The following KIF9 variants were observed in gnomAD, a reference collection of about 807,000 sequenced individuals.
The protein encoded by KIF9 is kinesin family member 9.
KIF9 carries 68 observed loss-of-function variants against 94.8 expected under a neutral mutation model. The ratio of observed to expected loss-of-function variants is 0.72; its 90% confidence interval spans 0.59 to 0.88. The LOEUF is 0.88. Among genes scored for constraint, KIF9 ranks in the 40% least tolerant of loss-of-function variants. KIF9 has a pLI of 0.00. For synonymous variants in KIF9, 343 were observed against 362.1 expected, an observed-to-expected ratio of 0.95 and a Z score of 0.60; for missense variants, 882 against 982.5, an observed-to-expected ratio of 0.90 and a Z score of 1.37.
Position 47,277,220 on chromosome 3 carries a change from C to A in KIF9, c.93+62G>T. On this transcript the variant is annotated intron_variant, in intron 2 of 20. Coordinates refer to ENST00000684063, the MANE Select transcript of KIF9 (RefSeq NM_182902.4). ...TTCAAAGGTTGCTTGGAAATACGGT[C>A]ACACTATAGCAAGGTGGGACAGAGA... 3 of 1,238,482 alleles carry A rather than the reference C, an allele frequency of 2.4e-6. No homozygotes were observed. The South Asian group carries it at 3.8e-5, about 16-fold the overall frequency. The allele number at this position is 1,238,482 out of a possible 1,614,324, so 76.7% of individuals were successfully genotyped here. A position where few individuals can be genotyped will look rare whatever the true frequency, so the allele number is the denominator to read the frequency against.
intron 14 of KIF9, 77 bp from the exon 15 acceptor site, chr3:47,245,001 C>T (rs1025717290): frequency 6.4e-7 from 1 of 1,572,344 alleles, no homozygotes; most frequent in African/African-American, 1.4e-5. Flanking sequence ...ATGTATATGG[C>T]CCAAGGCTCA....
intron 10 of KIF9, among the ~76,000 whole-genome samples, chr3:47,248,429 T>C (rs777801727): frequency 2.6e-5 from 4 of 151,914 alleles, no homozygotes; most frequent in Non-Finnish European, 5.9e-5. Flanking sequence ...TGGTGCAGCC[T>C]ACAGACTCCA....
At chr3:47,258,448 T>A (rs1223035051) in intron 9 of KIF9, among the ~76,000 whole-genome samples, 2 of 152,368 alleles carry the variant, frequency 1.3e-5, no homozygotes, top group African/African-American at 4.8e-5. Context: ...TCAACATTTT[T>A]AAATTATTGA....
chr3:47,231,289 G>A (rs978429209), intron 20 of KIF9, among the ~76,000 whole-genome samples: 8 of 151,938 alleles, frequency 5.3e-5, no homozygotes, highest in African/African-American at 1.9e-4. Flanking sequence ...ATAAAGAGCA[G>A]GTTCTAAGGT....
At chr3:47,238,220 T>G (rs934864909) in intron 17 of KIF9, among the ~76,000 whole-genome samples, 9 of 152,070 alleles carry the variant, frequency 5.9e-5, no homozygotes. Flanking sequence ...TCTAAGAGAT[T>G]GATTGATTGA....
At chr3:47,258,393 G>T (rs866737587) in intron 9 of KIF9, among the ~76,000 whole-genome samples, 2 of 152,176 alleles carry the variant, frequency 1.3e-5, no homozygotes, top group Non-Finnish European at 2.9e-5. Context: ...CTACAGGTGT[G>T]AGCCACTGAA....
At chr3:47,235,645 G>C in intron 19 of KIF9, 28 bp from the exon 20 acceptor site, 1 of 1,555,934 alleles carries the variant, frequency 6.4e-7, no homozygotes, top group Non-Finnish European at 8.9e-7. Flanking sequence ...CTTTAGCATG[G>C]TATTGTCAGG....
At chr3:47,263,154 C>A (rs1477625539) in intron 9 of KIF9, among the ~76,000 whole-genome samples, 1 of 152,210 alleles carries the variant, frequency 6.6e-6, no homozygotes, top group Non-Finnish European at 1.5e-5. Flanking sequence ...GCTTCAGCCT[C>A]CCAAAGTGCT....
chr3:47,269,237 T>A (rs756913915), intron 5 of KIF9, among the ~76,000 whole-genome samples: 3 of 152,072 alleles, frequency 2.0e-5, no homozygotes, highest in Non-Finnish European at 4.4e-5. Context: ...AAATAAAGAG[T>A]TCCTAGCCTA....
intron 1 of KIF9, chr3:47,281,232 C>T (rs552196623): frequency 4.7e-5 from 25 of 534,650 alleles, no homozygotes; most frequent in South Asian, 1.7e-4. Flanking sequence ...TGTCACTCCC[C>T]TTCCATGACA....
At chr3:47,275,957 C>T (rs1388100276) in intron 2 of KIF9, among the ~76,000 whole-genome samples, 3 of 152,138 alleles carry the variant, frequency 2.0e-5, no homozygotes, top group Non-Finnish European at 4.4e-5. Context: ...ACATCTACTT[C>T]CACACACACG....
Position 47,233,851 on chromosome 3 carries a change from A to G in KIF9, c.2322+1662T>C, listed in dbSNP as rs550761144. On this transcript the variant is annotated intron_variant, in intron 20 of 20. Coordinates refer to ENST00000684063, the MANE Select transcript of KIF9 (RefSeq NM_182902.4). ...ACGCCTGTAATCCCAGCACTTTGGGAGGCCAAGGCGGGTCGATCACCTGAG... is the reference window on the plus strand; with the variant it reads ...ACGCCTGTAATCCCAGCACTTTGGGGGGCCAAGGCGGGTCGATCACCTGAG... Among the ~76,000 whole-genome samples, 376 of 152,266 alleles carry G rather than the reference A, an allele frequency of 2.5e-3. 2 individuals are homozygous for G. Among genetic ancestry groups the G allele is most frequent in the Non-Finnish European group, 1.7e-3 (119 of 68,004 alleles).
chr3:47,254,222 C>T (rs982719116), intron 10 of KIF9, among the ~76,000 whole-genome samples: 3 of 152,180 alleles, frequency 2.0e-5, no homozygotes, highest in Non-Finnish European at 2.9e-5. Flanking sequence ...CTCTGGGAGG[C>T]CAAGGCGGGC....
intron 15 of KIF9, chr3:47,243,901 T>G (rs1038872108): frequency 1.3e-5 from 2 of 152,264 alleles, no homozygotes; most frequent in Non-Finnish European, 2.9e-5. Context: ...CTCAGGGAAC[T>G]GAGCCTCAAC....
At chr3:47,255,106 C>T (rs1700492476) in intron 10 of KIF9, among the ~76,000 whole-genome samples, 1 of 152,186 alleles carries the variant, frequency 6.6e-6, no homozygotes, top group South Asian at 2.1e-4. Flanking sequence ...CTTACAAATG[C>T]TCCTTTCTCC....
chr3:47,243,540 G>C lies in KIF9; in HGVS notation c.1515-295C>G, dbSNP rs1699725165. ...CCAGGGATTGAAAGTGTATGGACCTGTAGGATGGGCCACAGGTTCTCAGGA... is the reference window on the plus strand; with the variant it reads ...CCAGGGATTGAAAGTGTATGGACCTCTAGGATGGGCCACAGGTTCTCAGGA... On this transcript the variant is annotated intron_variant, in intron 15 of 20. Coordinates refer to ENST00000684063, the MANE Select transcript of KIF9 (RefSeq NM_182902.4). The C allele has an allele frequency of 1.3e-5, 3 of 236,550 alleles. No individual in the cohort carries two copies. The Admixed American group carries it at 1.5e-4, about 12-fold the overall frequency. The allele number at this position is 236,550 out of a possible 1,614,324, so 14.7% of individuals were successfully genotyped here. A position where few individuals can be genotyped will look rare whatever the true frequency, so the allele number is the denominator to read the frequency against.
intron 2 of KIF9, among the ~76,000 whole-genome samples, chr3:47,275,761 C>T (rs1247426940): frequency 1.3e-5 from 2 of 152,162 alleles, no homozygotes; most frequent in African/African-American, 2.4e-5. Flanking sequence ...CTTTGTTTCC[C>T]CACCTATGAT....
intron 9 of KIF9, among the ~76,000 whole-genome samples, chr3:47,260,603 C>T (rs538706315): frequency 2.6e-5 from 4 of 152,228 alleles, no homozygotes; most frequent in South Asian, 2.1e-4. Context: ...ATTTAATCCT[C>T]GCAACTTCCT....
intron 1 of KIF9, chr3:47,282,186 T>C: frequency 1.0e-6 from 1 of 985,404 alleles, no homozygotes; most frequent in African/African-American, 1.7e-5. Context: ...CCCCCTCTAG[T>C]TCGAAAACTG....
Sources: gnomAD v4.1 joint callset for allele counts (sites outside exome capture counted in the v4.1 genomes callset) on GRCh38, gnomAD v4.1.1 for gene constraint, MANE v1.5 for transcripts, NCBI Gene and HGNC (gene_info 2026-07-23, HGNC 2026-07-21) for gene names.